Variants in ALAS1 observed in about 807,000 individuals in gnomAD.
The protein encoded by ALAS1 is 5'-aminolevulinate synthase 1, also known as 5-aminolevulinate synthase, non-specific, mitochondrial.
A neutral mutation model predicts 59.6 loss-of-function variants in ALAS1; 29 were observed. That is an observed-to-expected ratio of 0.49 (90% CI 0.36 to 0.66). The LOEUF (loss-of-function observed/expected upper bound fraction) is 0.66. Ranked by LOEUF, ALAS1 falls within the 30% of genes least tolerant of loss-of-function variation. The probability of loss-of-function intolerance (pLI) is 0.00; values close to 1 mark genes in which losing one functional copy is unlikely to be tolerated. For synonymous variants in ALAS1, 299 were observed against 296.6 expected, an observed-to-expected ratio of 1.01 and a Z score of -0.08; for missense variants, 690 against 807.5, an observed-to-expected ratio of 0.85 and a Z score of 1.76.
chr3:52,209,059 A>G (rs894370006), intron 9 of ALAS1, among the ~76,000 whole-genome samples: 1 of 152,236 alleles, frequency 6.6e-6, no homozygotes, highest in Admixed American at 6.5e-5. Context: ...TGGTAAAGGA[A>G]GGGCAGGCTT....
At chr3:52,204,143 C>A in intron 5 of ALAS1, 131 bp downstream of exon 5, 1 of 942,750 alleles carries the variant, frequency 1.1e-6, no homozygotes, top group Non-Finnish European at 1.5e-6. Context: ...CTTTGGGAGG[C>A]TGAAGCGGGA....
chr3:52,199,362 G>T lies in ALAS1; in HGVS notation c.121G>T (p.Ala41Ser). Residue 41 changes from alanine to serine, a missense_variant, in exon 3 of 12, where the codon GCC becomes TCC. By Grantham distance (99) the Ala-to-Ser change is moderately conservative. Transcript: ENST00000484952. ...CTGCCCCAAGATGATGGAAGTTGGGGCCAAGCCAGCCCCTCGGGCATTGTC... is the reference window on the plus strand; with the variant it reads ...CTGCCCCAAGATGATGGAAGTTGGGTCCAAGCCAGCCCCTCGGGCATTGTC... ...QNCPKMMEVG[A>S]KPAPRALSTA... 7 of 1,614,122 alleles carry T rather than the reference G, an allele frequency of 4.3e-6. No homozygotes were observed. In the Middle Eastern group the frequency reaches 6.6e-4, roughly 153 times the overall value.
At position 52,199,380 on chromosome 3, in the gene ALAS1, G is replaced by T. The variant is rs1236425034; in HGVS notation, c.139G>T (p.Ala47Ser). The change falls in exon 3 of 12, where the codon GCA (alanine) becomes TCA (serine). Residue 47 changes from alanine (A) to serine (S), a missense_variant. By Grantham distance (99) the Ala-to-Ser change is moderately conservative. Transcript: ENST00000484952. Reference protein sequence around the residue: ...MEVGAKPAPRALSTAAVHYQQ... With the variant: ...MEVGAKPAPRSLSTAAVHYQQ... ...AGTTGGGGCCAAGCCAGCCCCTCGGGCATTGTCCACTGCAGCAGTACACTA... is the reference window on the plus strand; with the variant it reads ...AGTTGGGGCCAAGCCAGCCCCTCGGTCATTGTCCACTGCAGCAGTACACTA... 6.2e-7 allele frequency: 1 copy of T among 1,614,058 alleles called. No individual in the cohort carries two copies. Among genetic ancestry groups the T allele is most frequent in the Admixed American group, 1.7e-5 (1 of 60,004 alleles).
At chr3:52,209,126 A>G (rs1283536826) in intron 9 of ALAS1, among the ~76,000 whole-genome samples, 2 of 152,234 alleles carry the variant, frequency 1.3e-5, no homozygotes, top group African/African-American at 4.8e-5. Flanking sequence ...GCAGACCCAG[A>G]AAGCCTGGGA....
In ALAS1 at chr3:52,211,284, C is replaced by T. The variant is rs770953098; in HGVS notation, c.1332C>T (p.Gly444=). 1.2e-6 allele frequency: 2 copies of T among 1,612,096 alleles called. No homozygotes were observed. Among genetic ancestry groups the T allele is most frequent in the Non-Finnish European group, 1.7e-6 (2 of 1,178,358 alleles). ...ATTAATGAAGCTATCTCCTCCCAGG[C>T]AAAGCCTTTGGTTGTGTTGGAGGGT... The part of the protein sequence containing the change: ...PKMDIISGTL[G]KAFGCVGGYI... The change falls in exon 10 of 12, where the codon GGC becomes GGT. Residue 444 remains glycine, a splice_region_variant and synonymous_variant. Transcript: ENST00000484952.
rs2107259189 is a variant in ALAS1, at chr3:52,198,947, A to G, written c.-33+99A>G. On this transcript the variant is annotated intron_variant, in intron 2 of 11. Transcript: ENST00000484952. ...TTTCCCTCATCCTTCCGCCCCCTTG[A>G]TTATGTACTGTCAGTATTCATTTGG... 2.2e-6 allele frequency: 3 copies of G among 1,344,986 alleles called. No homozygotes were observed. The East Asian group carries it at 7.6e-5, about 34-fold the overall frequency. 83.3% of individuals were successfully genotyped at this position (1,344,986 alleles called of 1,614,324 possible).
chr3:52,205,807 T>C (rs1341937450), intron 6 of ALAS1, 32 bp from the exon 7 acceptor site: 2 of 1,584,526 alleles, frequency 1.3e-6, no homozygotes, highest in African/African-American at 2.7e-5. Flanking sequence ...CCATGAGCTT[T>C]ATTTTCTGGT....
In ALAS1 at chr3:52,199,042, G is replaced by A. The variant is rs148819009; in HGVS notation, c.-32-168G>A. Among the ~76,000 whole-genome samples, 862 of 152,294 alleles carry A rather than the reference G, an allele frequency of 5.7e-3. 8 individuals carry two copies. The highest frequency in any genetic ancestry group is 0.019 in the African/African-American group (805 of 41,546). On this transcript the variant is annotated intron_variant, in intron 2 of 11. Transcript: ENST00000484952. ...GAAGTTGGTGACCCGGGTAAAGTGT[G>A]GTCACCATTCCTTAGCTCACATCAG...
rs1699258729 is a variant in ALAS1, at chr3:52,204,749, A to T, written c.634A>T (p.Asn212Tyr). 4 of 1,614,230 alleles carry T rather than the reference A, an allele frequency of 2.5e-6. No individual in the cohort carries two copies. The highest frequency in any genetic ancestry group is 3.4e-6 in the Non-Finnish European group (4 of 1,180,042). The change falls in exon 6 of 12, where the codon AAT becomes TAT. Residue 212 changes from asparagine (N) to tyrosine (Y), a missense_variant. By Grantham distance (143) the Asn-to-Tyr change is moderately radical. Coordinates refer to ENST00000484952, the MANE Select transcript of ALAS1 (RefSeq NM_000688.6). Reference sequence around the variant, plus strand: ...TGAGAAAAAAATTGATGAGAAAAAGAATGACCACACCTATCGAGTTTTTAA... The same window carrying T: ...TGAGAAAAAAATTGATGAGAAAAAGTATGACCACACCTATCGAGTTTTTAA... ...FFEKKIDEKK[N>Y]DHTYRVFKTV...
In ALAS1 at chr3:52,202,685, C is replaced by G; in HGVS notation, c.378C>G (p.Ala126=). 6.2e-7 allele frequency: 1 copy of G among 1,614,182 alleles called. No individual in the cohort carries two copies. The highest frequency in any genetic ancestry group is 1.6e-4 in the Middle Eastern group (1 of 6,062). The stretch of plus-strand genomic sequence containing the variant: ...GAGGCAGCAGTGTCTTCTGCAAAGC[C>G]AGTCTTGAGCTTCAGGAGGATGTGC... ...NQRGSSVFCK[A]SLELQEDVQE... The change falls in exon 4 of 12, where the codon GCC becomes GCG. Residue 126 remains alanine, a synonymous_variant. Transcript: ENST00000484952.
chr3:52,200,708 T>C (rs987293662), intron 3 of ALAS1, among the ~76,000 whole-genome samples: 3 of 152,198 alleles, frequency 2.0e-5, no homozygotes, highest in Non-Finnish European at 4.4e-5. Context: ...GTATCTTTAT[T>C]TGTATATACA....
chr3:52,206,372 C>CA (rs1177296434), intron 7 of ALAS1, among the ~76,000 whole-genome samples, 200 bp from the exon 8 acceptor site: 1 of 152,182 alleles, frequency 6.6e-6, no homozygotes, highest in African/African-American at 2.4e-5. Context: ...TGGCCTGCCA[C>CA]AAGGTTATTC....
intron 10 of ALAS1, 148 bp downstream of exon 10, chr3:52,211,699 C>G: frequency 2.5e-6 from 3 of 1,194,662 alleles, no homozygotes; most frequent in Non-Finnish European, 3.5e-6. Flanking sequence ...TGTCATGTTT[C>G]CGCCATTGGC....
chr3:52,200,109 C>CA (rs1699158140), intron 3 of ALAS1, among the ~76,000 whole-genome samples: 1 of 152,224 alleles, frequency 6.6e-6, no homozygotes, highest in Non-Finnish European at 1.5e-5. Flanking sequence ...AGCCACCGTG[C>CA]CCGGCCCCTT....
chr3:52,198,961 G>GTGTT, intron 2 of ALAS1, 113 bp downstream of exon 2: 1 of 946,596 alleles, frequency 1.1e-6, no homozygotes, highest in Admixed American at 2.8e-5. Flanking sequence ...TGTACTGTCA[G>GTGTT]TATTCATTTG....
intron 10 of ALAS1, 23 bp from the exon 11 acceptor site, chr3:52,212,235 C>A: frequency 6.2e-7 from 1 of 1,607,536 alleles, no homozygotes. Context: ...TGTGACCTTA[C>A]CTTCTGCTCT....
chr3:52,207,935 G>A, intron 8 of ALAS1, 148 bp from the exon 9 acceptor site: 3 of 883,382 alleles, frequency 3.4e-6, no homozygotes, highest in Non-Finnish European at 4.8e-6. Context: ...GGGACCCCAG[G>A]TAACCTAGAA....
intron 6 of ALAS1, 151 bp downstream of exon 6, chr3:52,205,066 G>T (rs1233156844): frequency 5.6e-6 from 4 of 713,092 alleles, no homozygotes; most frequent in Admixed American, 5.6e-5. Context: ...AATATCTACA[G>T]ATTACTTTTA....
intron 9 of ALAS1, among the ~76,000 whole-genome samples, chr3:52,208,535 C>T (rs1254998701): frequency 6.6e-6 from 1 of 152,210 alleles, no homozygotes; most frequent in Non-Finnish European, 1.5e-5. Flanking sequence ...AGCCTGTACT[C>T]TCTGTGCCTC....
Sources: gnomAD v4.1 joint callset for allele counts (sites outside exome capture counted in the v4.1 genomes callset) on GRCh38, gnomAD v4.1.1 for gene constraint, MANE v1.5 for transcripts, NCBI Gene and HGNC (gene_info 2026-07-23, HGNC 2026-07-21) for gene names.